Variants in CIT observed in about 807,000 individuals in gnomAD.
CIT encodes citron Rho-interacting kinase.
Under a neutral mutation model 272.7 loss-of-function variants are expected in CIT, and 79 were observed. The observed-to-expected ratio is 0.29, with a 90% CI of 0.24 to 0.35. The LOEUF (loss-of-function observed/expected upper bound fraction) is 0.35. CIT is among the 10% of genes least tolerant of loss of function. The probability of loss-of-function intolerance (pLI) is 1.00; values close to 1 mark genes in which losing one functional copy is unlikely to be tolerated. For missense variants in CIT, 1,909 were observed against 2,618.3 expected, an observed-to-expected ratio of 0.73 and a Z score of 5.91; for synonymous variants, 948 against 995.6, an observed-to-expected ratio of 0.95 and a Z score of 0.90.
chr12:119,841,331 T>C (rs1969397510), intron 5 of CIT, among the ~76,000 whole-genome samples: 1 of 152,072 alleles, frequency 6.6e-6, no homozygotes, highest in Admixed American at 6.6e-5. Context: ...CCCGCCACCA[T>C]GCCCGGCTAA....
chr12:119,776,538 G>T, intron 14 of CIT, 130 bp from the exon 15 acceptor site: 1 of 1,147,056 alleles, frequency 8.7e-7, no homozygotes, highest in South Asian at 1.4e-5. Flanking sequence ...TGTAAATAAA[G>T]ACCAAGAGTT....
intron 19 of CIT, among the ~76,000 whole-genome samples, chr12:119,761,615 G>A (rs1030829679): frequency 2.0e-5 from 3 of 152,118 alleles, no homozygotes; most frequent in African/African-American, 7.2e-5. Context: ...GAGGCTTTTG[G>A]CCACCAATAA....
rs146640541 is a variant in CIT, at chr12:119,803,714, T to C, written c.1112-325A>G. ...TCGTGGGGAAGCCGCTCCTTCCTGC[T>C]GTTTCCAGAAGGCTCCTACAGAGCA... On this transcript the variant is annotated intron_variant, in intron 9 of 47. Coordinates refer to ENST00000392521, the MANE Select transcript of CIT (RefSeq NM_001206999.2). 2.4e-3 allele frequency among the ~76,000 whole-genome samples: 365 copies of C among 152,344 alleles called. 1 individual carries two copies. Among genetic ancestry groups the C allele is most frequent in the African/African-American group, 8.3e-3 (345 of 41,584 alleles).
At chr12:119,689,853 ATT>A (rs943751364) in intron 47 of CIT, among the ~76,000 whole-genome samples, 1 of 149,828 alleles carries the variant, frequency 6.7e-6, no homozygotes, top group Non-Finnish European at 1.5e-5. Context: ...AATTTTTTGT[ATT>A]TTTTTCGTAG....
At chr12:119,772,737 CGCTGGGGCCTGG>C in intron 17 of CIT, 21 bp downstream of exon 17, 11 of 1,583,292 alleles carry the variant, frequency 6.9e-6, no homozygotes, top group Non-Finnish European at 9.4e-6. Flanking sequence ...AGGCCGAGGC[CGCTGGGGCCTGG>C]GCTGGAGGTT....
rs183286359 is a variant in CIT, at chr12:119,791,927, T to C, written c.1296-6862A>G. On this transcript the variant is annotated intron_variant, in intron 10 of 47. Transcript: ENST00000392521. ...TTCTTAAAATGTATCAGATATGACATAAAAATTGCTTTACATGTAACCTCA... is the reference window on the plus strand; with the variant it reads ...TTCTTAAAATGTATCAGATATGACACAAAAATTGCTTTACATGTAACCTCA... 5.3e-5 allele frequency among the ~76,000 whole-genome samples: 8 copies of C among 152,322 alleles called. No homozygotes were observed. The East Asian group carries it at 1.2e-3, about 22-fold the overall frequency.
rs778187337 is a variant in CIT at position 119,700,787 on chromosome 12, G to A, written c.5581C>T (p.Arg1861Cys). 6.2e-6 allele frequency: 10 copies of A among 1,613,856 alleles called. No individual in the cohort carries two copies. The highest frequency in any genetic ancestry group is 2.2e-5 in the South Asian group (2 of 91,082). Residue 1861 changes from arginine (R) to cysteine (C), a missense_variant, in exon 44 of 48, where the codon CGC becomes TGC. Arg to Cys is a radical substitution (Grantham distance 180). This residue lies in a region of CIT where 780 missense variants were observed against 1,067.2 expected (regional missense o/e 0.73). Transcript: ENST00000392521. Reference sequence around the variant, plus strand: ...CGACTCCACTTGAGATCGTCTGTGCGGCTACGTCTTCCGTAAGAATCCACG... The same window carrying A: ...CGACTCCACTTGAGATCGTCTGTGCAGCTACGTCTTCCGTAAGAATCCACG... The part of the protein sequence containing the change: ...VFVDSYGRRS[R>C]TDDLKWSRLP...
At chr12:119,819,609 C>A (rs1967512825) in intron 9 of CIT, among the ~76,000 whole-genome samples, 1 of 152,192 alleles carries the variant, frequency 6.6e-6, no homozygotes. Context: ...CGCACAAAGG[C>A]TAATGTTGCT....
Position 119,768,032 on chromosome 12 carries a change from C to T in CIT, c.2209-850G>A, listed in dbSNP as rs547271088. Among the ~76,000 whole-genome samples the T allele has an allele frequency of 6.6e-6, 1 of 151,808 alleles. No homozygotes were observed. The highest frequency in any genetic ancestry group is 1.5e-5 in the Non-Finnish European group (1 of 67,980). ...GTTCAAGCAATTCTCATGTCTCAGT[C>T]TCCCAAGTAGCTGGGATTATAGGCA... On this transcript the variant is annotated intron_variant, in intron 18 of 47. Coordinates refer to ENST00000392521, the MANE Select transcript of CIT (RefSeq NM_001206999.2). The surrounding 1 kb of genome is among the most constrained non-coding windows in gnomAD (Gnocchi z 4.3).
At chr12:119,870,330 C>A (rs1950631805) in intron 2 of CIT, among the ~76,000 whole-genome samples, 1 of 152,010 alleles carries the variant, frequency 6.6e-6, no homozygotes, top group African/African-American at 2.4e-5. Flanking sequence ...ACGGGTGGAT[C>A]ACTTGAGGTC....
chr12:119,852,705 A>AAAAAAC (rs1566127673), intron 4 of CIT, among the ~76,000 whole-genome samples: 2 of 151,930 alleles, frequency 1.3e-5, no homozygotes, highest in African/African-American at 4.8e-5. Context: ...TGTCTCAAAA[A>AAAAAAC]AAAAACAAAA....
At chr12:119,848,274 A>G (rs555377594) in intron 5 of CIT, among the ~76,000 whole-genome samples, 1 of 152,324 alleles carries the variant, frequency 6.6e-6, no homozygotes, top group South Asian at 2.1e-4. Flanking sequence ...TATGAAACCA[A>G]GACACATAAA....
chr12:119,851,450 C>T (rs1365010118), intron 4 of CIT, among the ~76,000 whole-genome samples: 1 of 152,164 alleles, frequency 6.6e-6, no homozygotes. Context: ...CAGGGCTCCT[C>T]TGAGAAATGA....
chr12:119,835,305 C>A (rs368391053), intron 5 of CIT, among the ~76,000 whole-genome samples: 2 of 152,322 alleles, frequency 1.3e-5, no homozygotes, highest in South Asian at 4.1e-4. Context: ...AATCCTCTTG[C>A]AGCACTGTGT....
At chr12:119,871,186 T>C (rs115608216) in intron 2 of CIT, among the ~76,000 whole-genome samples, 3 of 150,702 alleles carry the variant, frequency 2.0e-5, no homozygotes, top group Non-Finnish European at 2.9e-5. Context: ...AGAGAGGCCA[T>C]GTGAGAAACA....
intron 47 of CIT, among the ~76,000 whole-genome samples, chr12:119,689,672 T>C (rs1955810683): frequency 8.4e-6 from 1 of 119,628 alleles, no homozygotes; most frequent in South Asian, 2.7e-4. Flanking sequence ...AGCTCTTTTT[T>C]TTTTTTTTTT....
chr12:119,717,838 C>CCTTTTTTTTTTTTTTTTTTTTTTTTTTT (rs1957598855), intron 32 of CIT, among the ~76,000 whole-genome samples: 1 of 81,332 alleles, frequency 1.2e-5, no homozygotes, highest in Non-Finnish European at 2.3e-5. Flanking sequence ...TGACTTCTTT[C>CCTTTTTTTTTTTTTTTTTTTTTTTTTTT]TTTTTTTTTT....
Position 119,765,669 on chromosome 12 carries a change from G to A in CIT, c.2304+1418C>T, listed in dbSNP as rs969428545. 2.0e-5 allele frequency among the ~76,000 whole-genome samples: 3 copies of A among 151,264 alleles called. No homozygotes were observed. The South Asian group carries it at 6.3e-4, about 32-fold the overall frequency. ...TATTTTTTGTAGAGCCAGGGGTCTC[G>A]TCAAGTTGCCTAGGCTAGTCTTGAA... On this transcript the variant is annotated intron_variant, in intron 19 of 47. Transcript: ENST00000392521.
chr12:119,733,819 G>A (rs185044854), intron 26 of CIT, among the ~76,000 whole-genome samples: 7 of 152,094 alleles, frequency 4.6e-5, no homozygotes, highest in Non-Finnish European at 8.8e-5. Context: ...GATTAAAATG[G>A]TAATGGTTTT....
Sources: gnomAD v4.1 joint callset for allele counts (sites outside exome capture counted in the v4.1 genomes callset) on GRCh38, gnomAD v4.1.1 for gene constraint, gnomAD v4.1.1 regional missense constraint, Gnocchi (gnomAD v3.1) non-coding constraint, MANE v1.5 for transcripts, NCBI Gene and HGNC (gene_info 2026-07-23, HGNC 2026-07-21) for gene names.